The following KCNQ2 variants were observed in gnomAD, a reference collection of about 807,000 sequenced individuals.
KCNQ2 encodes potassium voltage-gated channel subfamily KQT member 2.
A neutral mutation model predicts 84.8 loss-of-function variants in KCNQ2; 14 were observed. The observed-to-expected ratio is 0.17, with a 90% CI of 0.11 to 0.26. KCNQ2 has a LOEUF of 0.26. KCNQ2 is among the 10% of genes least tolerant of loss of function. KCNQ2 has a pLI of 1.00. For synonymous variants in KCNQ2, 599 were observed against 554.1 expected, an observed-to-expected ratio of 1.08 and a Z score of -1.14; for missense variants, 788 against 1,254.0, an observed-to-expected ratio of 0.63 and a Z score of 5.61.
At chr20:63,443,185 TCACCACCACCACCAC>T (rs201627426) in intron 4 of KCNQ2, among the ~76,000 whole-genome samples, 1 of 65,578 alleles carries the variant, frequency 1.5e-5, no homozygotes, top group Non-Finnish European at 3.0e-5. Flanking sequence ...ACCATCACCA[TCACCACCACCACCAC>T]CATCACCACC....
At chr20:63,431,391 A>G (rs2145655643) in intron 8 of KCNQ2, 22 bp from the exon 9 acceptor site, 1 of 1,613,674 alleles carries the variant, frequency 6.2e-7, no homozygotes, top group East Asian at 2.2e-5. Flanking sequence ...TTCCACACAC[A>G]CAAAGGGAAA....
chr20:63,429,806 C>CT (rs1011828735), intron 9 of KCNQ2, among the ~76,000 whole-genome samples: 2 of 148,670 alleles, frequency 1.3e-5, no homozygotes, highest in Non-Finnish European at 2.9e-5. Flanking sequence ...GCCTCTGGTG[C>CT]CCCCCCACAG....
chr20:63,416,466 CCCTT>C (rs1024618254), intron 12 of KCNQ2, among the ~76,000 whole-genome samples: 1 of 152,196 alleles, frequency 6.6e-6, no homozygotes, highest in Non-Finnish European at 1.5e-5. Context: ...CCCCCTGGCT[CCCTT>C]GAGGACAGTG....
chr20:63,404,458 GACACAC>G lies in KCNQ2; in HGVS notation c.*2180_*2185del, dbSNP rs2079882110. 6.6e-6 allele frequency: 1 copy of G among 152,542 alleles called. No individual in the cohort carries two copies. The highest frequency in any genetic ancestry group is 6.5e-5 in the Admixed American group (1 of 15,296). 9.4% of individuals were successfully genotyped at this position (152,542 alleles called of 1,614,324 possible). A position where few individuals can be genotyped will look rare whatever the true frequency, so the allele number is the denominator to read the frequency against. On this transcript the variant is annotated 3_prime_UTR_variant, in exon 17 of 17. Transcript: ENST00000359125. ...GCAGGCGGGGTCACACCTGCAGGGG[GACACAC>G]AGCACAGCCTCCCTCCACTGCCAGG...
rs557484309 is a variant in KCNQ2, at chr20:63,408,222, C to T, written c.1887+191G>A. On this transcript the variant is annotated intron_variant, in intron 16 of 16. Coordinates refer to ENST00000359125, the MANE Select transcript of KCNQ2 (RefSeq NM_172107.4). The surrounding 1 kb of genome is among the most constrained non-coding windows in gnomAD (Gnocchi z 5.0). ...CTGTCAGGAGGGAAGGCACCCAGGC[C>T]GGGGGTGGGAGGCTCACGGTGGGGT... is the stretch of plus-strand genomic sequence containing the variant. The T allele has an allele frequency of 9.9e-6, 7 of 710,594 alleles. No individual in the cohort carries two copies. Among genetic ancestry groups the T allele is most frequent in the African/African-American group, 3.6e-5 (2 of 56,054 alleles). 44.0% of individuals were successfully genotyped at this position (710,594 alleles called of 1,614,324 possible).
chr20:63,406,947 C>T lies in KCNQ2; in HGVS notation c.2316G>A (p.Pro772=), dbSNP rs587780367. The part of the protein sequence containing the change: ...SMEFLRQEDT[P]GCRPPEGNLR... ...GGTTCCCCTCGGGGGGCCTGCAGCC[C>T]GGGGTGTCCTCCTGCCGCAGGAACT... Residue 772 remains proline (P), a synonymous_variant, in exon 17 of 17, where the codon CCG becomes CCA. Coordinates refer to ENST00000359125, the MANE Select transcript of KCNQ2 (RefSeq NM_172107.4). 25 of 1,583,630 alleles carry T rather than the reference C, an allele frequency of 1.6e-5. No homozygotes were observed. The highest frequency in any genetic ancestry group is 9.0e-5 in the South Asian group (8 of 88,422).
intron 4 of KCNQ2, among the ~76,000 whole-genome samples, chr20:63,443,153 CCGGCGCCACCACCA>C: frequency 1.1e-5 from 1 of 87,002 alleles, no homozygotes; most frequent in Non-Finnish European, 2.4e-5. Context: ...ACCACCATCA[CCGGCGCCACCACCA>C]TCACATCACC....
chr20:63,416,124 C>T (rs1010332712), intron 12 of KCNQ2, among the ~76,000 whole-genome samples: 16 of 152,188 alleles, frequency 1.1e-4, no homozygotes, highest in Non-Finnish European at 1.3e-4. Flanking sequence ...GGGGCTCCTC[C>T]GCCAGCTGGG....
chr20:63,431,217 G>A (rs905896563), intron 9 of KCNQ2, 123 bp downstream of exon 9: 4 of 1,126,586 alleles, frequency 3.6e-6, no homozygotes, highest in African/African-American at 1.5e-5. Context: ...TCGGTGGGCA[G>A]GGACAGTGGT....
At chr20:63,471,609 C>T in intron 1 of KCNQ2, 1 of 152,770 alleles carries the variant, frequency 6.5e-6, no homozygotes, top group Non-Finnish European at 1.5e-5. Flanking sequence ...GCCGAGGGGG[C>T]AGGACAGACA....
At chr20:63,467,385 T>C (rs1047002504) in intron 1 of KCNQ2, among the ~76,000 whole-genome samples, 3 of 152,118 alleles carry the variant, frequency 2.0e-5, no homozygotes, top group African/African-American at 7.2e-5. Context: ...CGGAACGTCA[T>C]TCCTACAGGG....
chr20:63,424,300 G>A (rs7509379), intron 10 of KCNQ2, 94 bp from the exon 11 acceptor site: 6 of 1,384,922 alleles, frequency 4.3e-6, no homozygotes, highest in Non-Finnish European at 6.0e-6. Context: ...CCATGGGTCA[G>A]GGGCTGCAGG....
In KCNQ2 at chr20:63,446,885, A is replaced by C. The variant is rs1471734591; in HGVS notation, c.297-48T>G. 6.5e-7 allele frequency: 1 copy of C among 1,527,252 alleles called. No homozygotes were observed. The highest frequency in any genetic ancestry group is 9.1e-7 in the Non-Finnish European group (1 of 1,101,736). The allele number at this position is 1,527,252 out of a possible 1,614,324, so 94.6% of individuals were successfully genotyped here. A position where few individuals can be genotyped will look rare whatever the true frequency, so the allele number is the denominator to read the frequency against. On this transcript the variant is annotated intron_variant, in intron 1 of 16. Transcript: ENST00000359125. This position sits in a 1 kb window ranked among gnomAD's most constrained non-coding sequence, Gnocchi z 5.5. ...CTCAGACAGGCCGCAGCAGGGCAGC[A>C]GCATGGCTGTGTCTCCAGAACTCAG...
intron 1 of KCNQ2, among the ~76,000 whole-genome samples, chr20:63,451,314 C>T (rs1053027773): frequency 3.9e-5 from 6 of 152,164 alleles, no homozygotes; most frequent in Middle Eastern, 3.4e-3. Flanking sequence ...TGGTATTAAC[C>T]CTCTGTCTTG....
intron 7 of KCNQ2, chr20:63,434,269 G>A (rs1206805617): frequency 7.8e-6 from 2 of 257,292 alleles, no homozygotes; most frequent in Non-Finnish European, 1.5e-5. Flanking sequence ...CTCCTGGTTG[G>A]GCCCTGGGCA....
At chr20:63,413,428 G>A (rs1161154091) in intron 15 of KCNQ2, 22 bp downstream of exon 15, 2 of 1,612,774 alleles carry the variant, frequency 1.2e-6, no homozygotes, top group Non-Finnish European at 1.7e-6. Context: ...TCCCCTGCTG[G>A]ACAGGCAGGC....
At chr20:63,424,048 TCA>T (rs2080554655) in intron 11 of KCNQ2, 127 bp downstream of exon 11, 4 of 1,038,962 alleles carry the variant, frequency 3.9e-6, no homozygotes, top group South Asian at 1.4e-5. Flanking sequence ...GGACCCGCAG[TCA>T]CACAGTCACA....
Position 63,406,538 on chromosome 20 carries a change from ACACT to A in KCNQ2, c.*102_*105del. ...CCCTCCAGGGCCCACCCTTCCCGCC[ACACT>A]CAGTTACTGTAAGAAAAGGGCCCCA... On this transcript the variant is annotated 3_prime_UTR_variant, in exon 17 of 17. Transcript: ENST00000359125. 1 of 1,335,648 alleles carries A rather than the reference ACACT, an allele frequency of 7.5e-7. No homozygotes were observed. The highest frequency in any genetic ancestry group is 1.5e-5 in the South Asian group (1 of 65,610). The allele number at this position is 1,335,648 out of a possible 1,614,324, so 82.7% of individuals were successfully genotyped here.
rs914476 is a variant in KCNQ2, at chr20:63,438,948, C to T, written c.928-228G>A. Among the ~76,000 whole-genome samples the T allele has an allele frequency of 0.18, 28,076 of 152,070 alleles. 3,366 individuals are homozygous for T. Among genetic ancestry groups the T allele is most frequent in the Non-Finnish European group, 0.27 (18,625 of 67,944 alleles). On this transcript the variant is annotated intron_variant, in intron 6 of 16. Coordinates refer to ENST00000359125, the MANE Select transcript of KCNQ2 (RefSeq NM_172107.4). The surrounding 1 kb of genome is among the most constrained non-coding windows in gnomAD (Gnocchi z 5.1). ...CGTCTCCACCGATCCATGCCTCCCC[C>T]ACCTTCATCAAGGTCAGACTAATCC...
Sources: gnomAD v4.1 joint callset for allele counts (sites outside exome capture counted in the v4.1 genomes callset) on GRCh38, gnomAD v4.1.1 for gene constraint, Gnocchi (gnomAD v3.1) non-coding constraint, MANE v1.5 for transcripts, NCBI Gene and HGNC (gene_info 2026-07-23, HGNC 2026-07-21) for gene names.